Variants in GPR137C observed in about 807,000 individuals in gnomAD.
GPR137C encodes integral membrane protein GPR137C.
GPR137C carries 27 observed loss-of-function variants against 43.4 expected under a neutral mutation model. The observed-to-expected ratio is 0.62, with a 90% CI of 0.46 to 0.86. GPR137C has a LOEUF of 0.86. Ranked by LOEUF, GPR137C falls within the 40% of genes least tolerant of loss-of-function variation. GPR137C has a pLI of 0.00. For synonymous variants in GPR137C, 285 were observed against 226.9 expected (o/e 1.26, Z -2.30); for missense variants, 522 against 534.6 (o/e 0.98, Z 0.23).
chr14:52,553,170 C>T lies in GPR137C; in HGVS notation c.23C>T (p.Pro8Leu), dbSNP rs999379237. MRVSVPG[P>L]AAAAAPAAGR... ...CTCATGAGGGTGTCCGTGCCGGGTC[C>T]GGCGGCCGCTGCCGCCCCCGCAGCC... is the stretch of plus-strand genomic sequence containing the variant. The change falls in exon 1 of 7, where the codon CCG (proline) becomes CTG (leucine). Residue 8 changes from proline (P) to leucine (L), a missense_variant. Physicochemically the swap from Pro to Leu is moderately conservative, Grantham distance 98. Coordinates refer to ENST00000321662, the MANE Select transcript of GPR137C (RefSeq NM_001099652.2). 2.5e-6 allele frequency: 3 copies of T among 1,177,650 alleles called. No individual in the cohort carries two copies. Among genetic ancestry groups the T allele is most frequent in the East Asian group, 4.1e-5 (1 of 24,266 alleles). The allele number at this position is 1,177,650 out of a possible 1,614,324, so 73.0% of individuals were successfully genotyped here.
intron 1 of GPR137C, among the ~76,000 whole-genome samples, chr14:52,558,074 T>G (rs147314398): frequency 6.8e-6 from 1 of 146,736 alleles, no homozygotes; most frequent in African/African-American, 2.6e-5. Flanking sequence ...AGTGCATAAT[T>G]GGGCTGGCAA....
chr14:52,566,597 T>G (rs2038373887), intron 1 of GPR137C, among the ~76,000 whole-genome samples: 1 of 152,190 alleles, frequency 6.6e-6, no homozygotes, highest in Admixed American at 6.5e-5. Flanking sequence ...CTGACAGCAG[T>G]AACTTAAGTC....
chr14:52,623,822 T>C (rs1232309916), intron 3 of GPR137C, among the ~76,000 whole-genome samples: 4 of 152,110 alleles, frequency 2.6e-5, no homozygotes, highest in African/African-American at 7.2e-5. Context: ...TTGGGAAAAT[T>C]ATAGTGCTAA....
chr14:52,601,849 C>T (rs1195995181), intron 3 of GPR137C, among the ~76,000 whole-genome samples: 2 of 151,700 alleles, frequency 1.3e-5, no homozygotes, highest in African/African-American at 4.8e-5. Flanking sequence ...TTTTTACTCG[C>T]TTTGAAATAG....
At position 52,553,402 on chromosome 14, in the gene GPR137C, C is replaced by T. The variant is rs1023721362; in HGVS notation, c.255C>T (p.Cys85=). 2 of 1,608,160 alleles carry T rather than the reference C, an allele frequency of 1.2e-6. No homozygotes were observed. The highest frequency in any genetic ancestry group is 1.7e-5 in the Admixed American group (1 of 60,022). Residue 85 remains cysteine, a synonymous_variant, in exon 1 of 7, where the codon TGC becomes TGT. Coordinates refer to ENST00000321662, the MANE Select transcript of GPR137C (RefSeq NM_001099652.2). The part of the protein sequence containing the change: ...RERRLSYQSL[C]LFLCLLWAAL... ...GGCGGCTGAGTTACCAGAGCCTCTGCCTCTTCCTCTGTCTCCTGTGGGCAG... is the reference window on the plus strand; with the variant it reads ...GGCGGCTGAGTTACCAGAGCCTCTGTCTCTTCCTCTGTCTCCTGTGGGCAG...
At chr14:52,625,291 G>A (rs1457657464) in intron 3 of GPR137C, among the ~76,000 whole-genome samples, 4 of 152,030 alleles carry the variant, frequency 2.6e-5, no homozygotes, top group Non-Finnish European at 4.4e-5. Context: ...AGACCAGCCT[G>A]ACCAATATGG....
At chr14:52,602,169 C>G (rs1483294912) in intron 3 of GPR137C, among the ~76,000 whole-genome samples, 1 of 151,538 alleles carries the variant, frequency 6.6e-6, no homozygotes, top group Non-Finnish European at 1.5e-5. Flanking sequence ...AGCATGTCAT[C>G]TTGCTTTCAT....
chr14:52,582,930 C>G (rs1383511112), intron 1 of GPR137C, among the ~76,000 whole-genome samples: 1 of 151,906 alleles, frequency 6.6e-6, no homozygotes, highest in Non-Finnish European at 1.5e-5. Context: ...TTCAAATATC[C>G]TAAAATAATA....
chr14:52,612,626 A>G, intron 3 of GPR137C: 2 of 527,006 alleles, frequency 3.8e-6, no homozygotes, highest in Non-Finnish European at 4.9e-6. Flanking sequence ...TAGTGGCGCA[A>G]TTATAGCTTA....
intron 3 of GPR137C, among the ~76,000 whole-genome samples, chr14:52,604,642 T>G (rs2038964106): frequency 6.6e-6 from 1 of 152,110 alleles, no homozygotes; most frequent in Non-Finnish European, 1.5e-5. Context: ...GAGATGGGGT[T>G]TTGCCGTGTT....
At position 52,557,232 on chromosome 14, in the gene GPR137C, C is replaced by G. The variant is rs148597109; in HGVS notation, c.444+3641C>G. ...ATGATGATTATATTATTGAATGACACTTTATAAAAAGGTCAAAATTTAGAA... is the reference window on the plus strand; with the variant it reads ...ATGATGATTATATTATTGAATGACAGTTTATAAAAAGGTCAAAATTTAGAA... On this transcript the variant is annotated intron_variant, in intron 1 of 6. Coordinates refer to ENST00000321662, the MANE Select transcript of GPR137C (RefSeq NM_001099652.2). 2.0e-3 allele frequency among the ~76,000 whole-genome samples: 307 copies of G among 152,180 alleles called. 2 individuals are homozygous for G. The highest frequency in any genetic ancestry group is 7.3e-3 in the African/African-American group (303 of 41,538).
intron 3 of GPR137C, among the ~76,000 whole-genome samples, chr14:52,604,921 C>T (rs1432958743): frequency 6.6e-6 from 1 of 152,124 alleles, no homozygotes; most frequent in African/African-American, 2.4e-5. Flanking sequence ...GTCTGTGTGT[C>T]TGTTTTTATG....
At chr14:52,581,409 G>A (rs1009138902) in intron 1 of GPR137C, among the ~76,000 whole-genome samples, 2 of 149,766 alleles carry the variant, frequency 1.3e-5, no homozygotes, top group Admixed American at 6.7e-5. Context: ...GGTGATGCAC[G>A]CCTGTAATTC....
At chr14:52,558,501 T>C (rs2038229432) in intron 1 of GPR137C, among the ~76,000 whole-genome samples, 1 of 152,174 alleles carries the variant, frequency 6.6e-6, no homozygotes, top group Admixed American at 6.5e-5. Flanking sequence ...TCAGGAGATC[T>C]AACTTGAAAA....
intron 4 of GPR137C, 125 bp downstream of exon 4, chr14:52,632,434 T>C: frequency 4.7e-6 from 3 of 637,520 alleles, no homozygotes; most frequent in Non-Finnish European, 7.9e-6. Flanking sequence ...TCAGTAATCA[T>C]ACTTAAAGCT....
Position 52,586,365 on chromosome 14 carries a change from ACTTC to A in GPR137C, c.445-11904_445-11901del, listed in dbSNP as rs2038713972. Among the ~76,000 whole-genome samples the A allele has an allele frequency of 2.0e-5, 3 of 152,282 alleles. No homozygotes were observed. The South Asian group carries it at 6.2e-4, about 32-fold the overall frequency. ...CTGTACTCACTGCTTCTGTTGTCTT[ACTTC>A]CTATCAACTCCTTGCACTTCTGCTC... On this transcript the variant is annotated intron_variant, in intron 1 of 6. Coordinates refer to ENST00000321662, the MANE Select transcript of GPR137C (RefSeq NM_001099652.2).
At position 52,553,200 on chromosome 14, in the gene GPR137C, G is replaced by C; in HGVS notation, c.53G>C (p.Arg18Pro). ...PAAAAAPAAG[R>P]EPSTPGGGSG... ...GCCGCTGCCGCCCCCGCAGCCGGCC[G>C]CGAGCCCTCCACGCCCGGCGGGGGC... The change falls in exon 1 of 7, where the codon CGC becomes CCC. Residue 18 changes from arginine to proline, a missense_variant. By Grantham distance (103) the Arg-to-Pro change is moderately radical. This residue lies in a region of GPR137C where 437 missense variants were observed against 425.7 expected (regional missense o/e 1.03). Coordinates refer to ENST00000321662, the MANE Select transcript of GPR137C (RefSeq NM_001099652.2). 8.2e-7 allele frequency: 1 copy of C among 1,217,320 alleles called. No individual in the cohort carries two copies. The highest frequency in any genetic ancestry group is 1.0e-6 in the Non-Finnish European group (1 of 979,486). 75.4% of individuals were successfully genotyped at this position (1,217,320 alleles called of 1,614,324 possible).
Position 52,553,528 on chromosome 14 carries a change from C to T in GPR137C, c.381C>T (p.Leu127=). The T allele has an allele frequency of 6.2e-7, 1 of 1,609,596 alleles. No individual in the cohort carries two copies. Among genetic ancestry groups the T allele is most frequent in the Non-Finnish European group, 8.5e-7 (1 of 1,179,594 alleles). Reference sequence around the variant, plus strand: ...TGCACTTCTTCCCCCACTGGCTGCTCTACTGCTTCCCCTCCTGTCTCCAGT... The same window carrying T: ...TGCACTTCTTCCCCCACTGGCTGCTTTACTGCTTCCCCTCCTGTCTCCAGT... ...AHLHFFPHWL[L]YCFPSCLQFS... The change falls in exon 1 of 7, where the codon CTC becomes CTT. Residue 127 remains leucine (L), a synonymous_variant. Coordinates refer to ENST00000321662, the MANE Select transcript of GPR137C (RefSeq NM_001099652.2).
At chr14:52,602,324 C>CCTCT (rs139916630) in intron 3 of GPR137C, among the ~76,000 whole-genome samples, 73 of 147,436 alleles carry the variant, frequency 5.0e-4, no homozygotes, top group Middle Eastern at 3.5e-3. Flanking sequence ...TGTTTCTGTC[C>CCTCT]CTCTCTCTCT....
Sources: allele counts gnomAD v4.1 joint callset (sites outside exome capture counted in the v4.1 genomes callset), GRCh38; gene constraint gnomAD v4.1.1; regional missense constraint gnomAD v4.1.1; transcripts MANE v1.5; gene names NCBI Gene and HGNC (gene_info 2026-07-23, HGNC 2026-07-21).